Variants in GRPEL2 observed in about 807,000 individuals in gnomAD.
GRPEL2 encodes grpE protein homolog 2, mitochondrial.
In GRPEL2, 18 loss-of-function variants were observed where a neutral mutation model predicts 25.9. The observed-to-expected ratio is 0.70, with a 90% CI of 0.48 to 1.03. The LOEUF is 1.03. Among genes scored for constraint, GRPEL2 ranks in the 50% least tolerant of loss-of-function variants. The pLI is 0.00. For synonymous variants in GRPEL2, 106 were observed against 107.9 expected (o/e 0.98, Z 0.11); for missense variants, 247 against 276.2 (o/e 0.89, Z 0.75).
At chr5:149,350,237 A>T (rs1449230682) in intron 3 of GRPEL2, among the ~76,000 whole-genome samples, 1 of 152,192 alleles carries the variant, frequency 6.6e-6, no homozygotes, top group Non-Finnish European at 1.5e-5. Context: ...TCTGTAAGAA[A>T]AATCAAGTTT....
At position 149,351,646 on chromosome 5, in the gene GRPEL2, GA is replaced by G; in HGVS notation, c.*369del. On this transcript the variant is annotated 3_prime_UTR_variant, in exon 4 of 4. Transcript: ENST00000329271. The stretch of plus-strand genomic sequence containing the variant: ...ATTGTGTAGTATCTTGTATTTTGTG[GA>G]AAAAGGAGATGGTAGGGATTGGTTC... The G allele has an allele frequency of 6.1e-6, 1 of 164,748 alleles. No homozygotes were observed. The allele number at this position is 164,748 out of a possible 1,614,324, so 10.2% of individuals were successfully genotyped here. A position where few individuals can be genotyped will look rare whatever the true frequency, so the allele number is the denominator to read the frequency against.
intron 1 of GRPEL2, among the ~76,000 whole-genome samples, chr5:149,347,289 C>G (rs1259279253): frequency 6.6e-6 from 1 of 152,202 alleles, no homozygotes; most frequent in African/African-American, 2.4e-5. Context: ...TTTTCTAAAG[C>G]TGACTCCTTT....
intron 3 of GRPEL2, 49 bp from the exon 4 acceptor site, chr5:149,350,869 G>A: frequency 6.3e-7 from 1 of 1,594,994 alleles, no homozygotes; most frequent in Non-Finnish European, 8.6e-7. Flanking sequence ...TATGCCCACG[G>A]GCAGAGTGAT....
Position 149,351,577 on chromosome 5 carries a change from G to T in GRPEL2, c.*295G>T, listed in dbSNP as rs1472646836. On this transcript the variant is annotated 3_prime_UTR_variant, in exon 4 of 4. Transcript: ENST00000329271. ...TGAATCCAAAATCCTTTTAACTATG[G>T]GTTTTCAACTACATGTTTCTTCCTA... is the stretch of plus-strand genomic sequence containing the variant. 3.9e-6 allele frequency: 1 copy of T among 258,684 alleles called. No homozygotes were observed. Among genetic ancestry groups the T allele is most frequent in the Non-Finnish European group, 7.5e-6 (1 of 133,312 alleles). 16.0% of individuals were successfully genotyped at this position (258,684 alleles called of 1,614,324 possible). A position where few individuals can be genotyped will look rare whatever the true frequency, so the allele number is the denominator to read the frequency against.
intron 1 of GRPEL2, 40 bp downstream of exon 1, chr5:149,345,656 T>G: frequency 1.3e-6 from 2 of 1,531,360 alleles, no homozygotes; most frequent in South Asian, 1.2e-5. Flanking sequence ...GTGAGGACTC[T>G]GAGGGGCTAG....
At chr5:149,346,157 T>C (rs1757685132) in intron 1 of GRPEL2, among the ~76,000 whole-genome samples, 1 of 152,182 alleles carries the variant, frequency 6.6e-6, no homozygotes, top group Admixed American at 6.5e-5. Flanking sequence ...TTATTACCCA[T>C]TTAGTAGTTA....
intron 3 of GRPEL2, chr5:149,349,944 T>C: frequency 7.2e-6 from 4 of 558,632 alleles, no homozygotes; most frequent in Non-Finnish European, 9.4e-6. Flanking sequence ...CTCTGGAGGC[T>C]GAGGCACGAG....
At position 149,351,952 on chromosome 5, in the gene GRPEL2, A is replaced by C. The variant is rs1419312811; in HGVS notation, c.*670A>C. 1.3e-5 allele frequency: 2 copies of C among 152,334 alleles called. No homozygotes were observed. The highest frequency in any genetic ancestry group is 3.9e-4 in the East Asian group (2 of 5,180). 9.4% of individuals were successfully genotyped at this position (152,334 alleles called of 1,614,324 possible). A position where few individuals can be genotyped will look rare whatever the true frequency, so the allele number is the denominator to read the frequency against. On this transcript the variant is annotated 3_prime_UTR_variant, in exon 4 of 4. Coordinates refer to ENST00000329271, the MANE Select transcript of GRPEL2 (RefSeq NM_152407.4). ...TGAGATACCCAGGACCCTTTCAAGC[A>C]AGAATGGCCAAAAAGCCTTGTGCTG...
rs34300270 is a variant in GRPEL2 at position 149,346,715 on chromosome 5, A to ATTTTT, written c.77+1135_77+1139dup. 4.1e-3 allele frequency among the ~76,000 whole-genome samples: 243 copies of ATTTTT among 59,262 alleles called. 36 individuals are homozygous for ATTTTT. The highest frequency in any genetic ancestry group is 5.2e-3 in the African/African-American group (63 of 12,206). The allele number at this position is 59,262 out of a possible 152,430, so 38.9% of individuals were successfully genotyped here. A position where few individuals can be genotyped will look rare whatever the true frequency, so the allele number is the denominator to read the frequency against. ...TTTTCCCTTTGAACTGGCCCTGAGA[A>ATTTTT]TTTTTTTTTTTTTTTTTTTTTTTTT... On this transcript the variant is annotated intron_variant, in intron 1 of 3. Transcript: ENST00000329271.
At chr5:149,347,195 A>G (rs1216891337) in intron 1 of GRPEL2, among the ~76,000 whole-genome samples, 1 of 152,160 alleles carries the variant, frequency 6.6e-6, no homozygotes, top group Non-Finnish European at 1.5e-5. Flanking sequence ...TGAATTTAAG[A>G]TCAGCTTGGA....
chr5:149,345,830 G>A (rs544397228), intron 1 of GRPEL2: 9 of 586,768 alleles, frequency 1.5e-5, no homozygotes, highest in African/African-American at 1.1e-4. Context: ...AGGAAGGTAA[G>A]GAGATCCGAG....
intron 1 of GRPEL2, 98 bp downstream of exon 1, chr5:149,345,714 C>T (rs1757677486): frequency 1.9e-6 from 2 of 1,025,936 alleles, no homozygotes; most frequent in Non-Finnish European, 2.9e-6. Flanking sequence ...GCTATCTGAG[C>T]GTAGGCCAGG....
chr5:149,347,449 T>C (rs1394080028), intron 1 of GRPEL2, among the ~76,000 whole-genome samples: 1 of 152,218 alleles, frequency 6.6e-6, no homozygotes. Flanking sequence ...ATCCAGGAGT[T>C]GCAGTGGAAA....
intron 3 of GRPEL2, chr5:149,350,002 C>T (rs930711529): frequency 5.9e-6 from 3 of 511,036 alleles, no homozygotes; most frequent in Non-Finnish European, 1.0e-5. Flanking sequence ...CAGGATCATG[C>T]CCCTACACTC....
Position 149,348,254 on chromosome 5 carries a change from A to G in GRPEL2, c.78-18A>G, listed in dbSNP as rs772117781. 2 of 1,576,144 alleles carry G rather than the reference A, an allele frequency of 1.3e-6. No individual in the cohort carries two copies. Among genetic ancestry groups the G allele is most frequent in the South Asian group, 1.2e-5 (1 of 85,354 alleles). ...TGATGGCATTTCTTCATTATGTGCCACCTCCTTCCTGTTTTAGGGGATGGC... is the reference window on the plus strand; with the variant it reads ...TGATGGCATTTCTTCATTATGTGCCGCCTCCTTCCTGTTTTAGGGGATGGC... On this transcript the variant is annotated intron_variant, in intron 1 of 3. Coordinates refer to ENST00000329271, the MANE Select transcript of GRPEL2 (RefSeq NM_152407.4).
intron 1 of GRPEL2, 136 bp downstream of exon 1, chr5:149,345,752 G>T (rs1380659541): frequency 3.2e-5 from 22 of 681,256 alleles, no homozygotes; most frequent in Admixed American, 1.4e-4. Flanking sequence ...CTCTACGACC[G>T]TGCACTCACG....
In GRPEL2 at chr5:149,346,715, A is replaced by ATTTTTTTTTT. The variant is rs34300270; in HGVS notation, c.77+1130_77+1139dup. 4.2e-4 allele frequency among the ~76,000 whole-genome samples: 25 copies of ATTTTTTTTTT among 59,262 alleles called. 4 individuals carry two copies. Among genetic ancestry groups the ATTTTTTTTTT allele is most frequent in the African/African-American group, 7.4e-4 (9 of 12,206 alleles). 38.9% of individuals were successfully genotyped at this position (59,262 alleles called of 152,430 possible). ...TTTTCCCTTTGAACTGGCCCTGAGA[A>ATTTTTTTTTT]TTTTTTTTTTTTTTTTTTTTTTTTT... is the stretch of plus-strand genomic sequence containing the variant. On this transcript the variant is annotated intron_variant, in intron 1 of 3. Coordinates refer to ENST00000329271, the MANE Select transcript of GRPEL2 (RefSeq NM_152407.4).
intron 2 of GRPEL2, 78 bp from the exon 3 acceptor site, chr5:149,349,576 G>T (rs79785056): frequency 0.022 from 22,977 of 1,065,050 alleles, 352 homozygotes; most frequent in Non-Finnish European, 0.025. Flanking sequence ...GGTGAAATTT[G>T]TAAAGTAAGC....
chr5:149,348,862 CA>C, intron 2 of GRPEL2, among the ~76,000 whole-genome samples: 1 of 151,390 alleles, frequency 6.6e-6, no homozygotes, highest in East Asian at 1.9e-4. Flanking sequence ...AAAGCAAAAC[CA>C]CCTAGATAGA....
Sources: gnomAD v4.1 joint callset for allele counts (sites outside exome capture counted in the v4.1 genomes callset) on GRCh38, gnomAD v4.1.1 for gene constraint, MANE v1.5 for transcripts, NCBI Gene and HGNC (gene_info 2026-07-23, HGNC 2026-07-21) for gene names.